Variants in PHF21B observed in about 807,000 individuals in gnomAD.
PHF21B encodes the protein PHD finger protein 4.
In PHF21B, 22 loss-of-function variants were observed where a neutral mutation model predicts 62.2. That is an observed-to-expected ratio of 0.35 (90% CI 0.25 to 0.51). PHF21B has a LOEUF of 0.51. Among genes scored for constraint, PHF21B ranks in the 20% least tolerant of loss-of-function variants. PHF21B has a pLI of 0.97. For missense variants in PHF21B, 701 were observed against 707.9 expected (o/e 0.99, Z 0.11); for synonymous variants, 341 against 314.7 (o/e 1.08, Z -0.88).
chr22:44,918,156 A>T (rs1371825279), intron 3 of PHF21B, among the ~76,000 whole-genome samples: 1 of 152,252 alleles, frequency 6.6e-6, no homozygotes, highest in East Asian at 1.9e-4. Flanking sequence ...CCTCAGCTGG[A>T]GAAAGTTACC....
chr22:44,933,363 G>A (rs62232247), intron 2 of PHF21B: 1 of 725,720 alleles, frequency 1.4e-6, no homozygotes, highest in Non-Finnish European at 1.7e-6. Context: ...CGTCCGCCTC[G>A]GCCTCCGAAA....
chr22:44,995,081 G>A (rs2073098894), intron 2 of PHF21B, among the ~76,000 whole-genome samples: 1 of 152,244 alleles, frequency 6.6e-6, no homozygotes, highest in South Asian at 2.1e-4. Context: ...TGCAAACACT[G>A]CCTTGGGGAA....
intron 2 of PHF21B, among the ~76,000 whole-genome samples, chr22:44,989,696 G>A (rs751870824): frequency 3.8e-5 from 5 of 131,558 alleles, no homozygotes; most frequent in Non-Finnish European, 1.5e-5. Flanking sequence ...GGCAACCTCC[G>A]CATCCCAGGT....
intron 2 of PHF21B, among the ~76,000 whole-genome samples, chr22:44,968,388 A>C (rs2072571571): frequency 6.6e-6 from 1 of 152,178 alleles, no homozygotes; most frequent in African/African-American, 2.4e-5. Flanking sequence ...TCACACCTGT[A>C]ATCTCAGGAC....
intron 2 of PHF21B, among the ~76,000 whole-genome samples, chr22:44,951,664 C>T (rs2072197241): frequency 6.6e-6 from 1 of 152,226 alleles, no homozygotes; most frequent in Non-Finnish European, 1.5e-5. Context: ...GAATGGACCA[C>T]AATCTACATC....
At chr22:44,964,407 C>A (rs1192284165) in intron 2 of PHF21B, among the ~76,000 whole-genome samples, 1 of 152,218 alleles carries the variant, frequency 6.6e-6, no homozygotes, top group Admixed American at 6.5e-5. Flanking sequence ...AACCTGGGGT[C>A]TCCCACTGAG....
chr22:44,977,071 G>A (rs1345647054), intron 2 of PHF21B, among the ~76,000 whole-genome samples: 1 of 152,016 alleles, frequency 6.6e-6, no homozygotes, highest in Non-Finnish European at 1.5e-5. Flanking sequence ...AGTGAGCTGT[G>A]ATCATGTCAC....
chr22:44,947,641 CT>C (rs1475609933), intron 2 of PHF21B, among the ~76,000 whole-genome samples: 7 of 152,232 alleles, frequency 4.6e-5, no homozygotes, highest in Non-Finnish European at 7.3e-5. Context: ...CACGCGGACC[CT>C]GTGGGGACCA....
At position 44,961,781 on chromosome 22, in the gene PHF21B, C is replaced by T. The variant is rs930291858; in HGVS notation, c.121-41291G>A. Among the ~76,000 whole-genome samples, 5 of 151,770 alleles carry T rather than the reference C, an allele frequency of 3.3e-5. No homozygotes were observed. In the South Asian group the frequency reaches 8.3e-4, roughly 25 times the overall value. ...GCTTGAACCAGCATGGCAGAGGTTG[C>T]AGTGAGCCGAGGTTGCGCGCACCAC... On this transcript the variant is annotated intron_variant, in intron 2 of 12. Coordinates refer to ENST00000313237, the MANE Select transcript of PHF21B (RefSeq NM_138415.5).
At chr22:44,980,224 T>C (rs943543949) in intron 2 of PHF21B, among the ~76,000 whole-genome samples, 2 of 152,206 alleles carry the variant, frequency 1.3e-5, no homozygotes, top group African/African-American at 4.8e-5. Flanking sequence ...CACTGGTTTC[T>C]TTCTGCAGGA....
intron 5 of PHF21B, among the ~76,000 whole-genome samples, chr22:44,909,621 C>A (rs1305767065): frequency 1.3e-5 from 2 of 152,250 alleles, no homozygotes; most frequent in African/African-American, 4.8e-5. Flanking sequence ...TGTCAGCCTG[C>A]ATTCAGGCCC....
intron 5 of PHF21B, among the ~76,000 whole-genome samples, chr22:44,903,944 A>C (rs978215695): frequency 2.5e-4 from 38 of 152,110 alleles, no homozygotes; most frequent in Non-Finnish European, 1.5e-5. Context: ...TATTATGGTT[A>C]CTGAGTTATT....
chr22:44,902,407 TC>T, intron 5 of PHF21B: 1 of 262,124 alleles, frequency 3.8e-6, no homozygotes, highest in South Asian at 5.2e-5. Flanking sequence ...GTGGAGTTTA[TC>T]CCTCACAAAC....
At chr22:44,915,679 G>A (rs969823662) in intron 4 of PHF21B, among the ~76,000 whole-genome samples, 1 of 152,262 alleles carries the variant, frequency 6.6e-6, no homozygotes, top group African/African-American at 2.4e-5. Flanking sequence ...GAGAGGGGCG[G>A]CCTGGCAGAC....
At chr22:44,987,389 C>T (rs1452605544) in intron 2 of PHF21B, among the ~76,000 whole-genome samples, 1 of 152,144 alleles carries the variant, frequency 6.6e-6, no homozygotes, top group Admixed American at 6.5e-5. Context: ...CTGAGAGGCA[C>T]CAGGACCTAA....
intron 2 of PHF21B, among the ~76,000 whole-genome samples, chr22:44,978,601 C>T (rs908093424): frequency 3.3e-5 from 5 of 152,228 alleles, no homozygotes; most frequent in Non-Finnish European, 7.3e-5. Flanking sequence ...TCAAGTGATC[C>T]ACCCGCCTCG....
At chr22:44,936,172 G>A (rs1225766348) in intron 2 of PHF21B, among the ~76,000 whole-genome samples, 1 of 152,224 alleles carries the variant, frequency 6.6e-6, no homozygotes, top group Non-Finnish European at 1.5e-5. Flanking sequence ...TGGGATGAAT[G>A]GGCCAAGCCC....
chr22:45,007,561 CGAA>C (rs748340905), intron 2 of PHF21B, among the ~76,000 whole-genome samples: 1 of 111,974 alleles, frequency 8.9e-6, no homozygotes, highest in Admixed American at 8.3e-5. Flanking sequence ...GGGCGGGGCG[CGAA>C]GGAGGGAGGG....
chr22:44,961,943 T>G (rs1476411008), intron 2 of PHF21B, among the ~76,000 whole-genome samples: 1 of 152,134 alleles, frequency 6.6e-6, no homozygotes, highest in African/African-American at 2.4e-5. Context: ...GGGCATTATT[T>G]TATTTTTTTT....
Sources: allele counts gnomAD v4.1 joint callset (sites outside exome capture counted in the v4.1 genomes callset), GRCh38; gene constraint gnomAD v4.1.1; transcripts MANE v1.5; gene names NCBI Gene and HGNC (gene_info 2026-07-23, HGNC 2026-07-21).